Variants in RAPGEF5 observed in about 807,000 individuals in gnomAD.
RAPGEF5 encodes Rap guanine nucleotide exchange factor 5, also known as M-Ras-regulated GEF.
RAPGEF5 carries 65 observed loss-of-function variants against 125.2 expected under a neutral mutation model. The ratio of observed to expected loss-of-function variants is 0.52; its 90% CI spans 0.43 to 0.64. The LOEUF (loss-of-function observed/expected upper bound fraction) is 0.64, where lower values mean the gene tolerates loss of function less well. RAPGEF5 is among the 30% of genes least tolerant of loss of function. The pLI is 0.00. For missense variants in RAPGEF5, 958 were observed against 1,048.1 expected (o/e 0.91, Z 1.19); for synonymous variants, 391 against 385.9 (o/e 1.01, Z -0.16).
intron 11 of RAPGEF5, among the ~76,000 whole-genome samples, chr7:22,176,498 A>C (rs1481470422): frequency 6.6e-6 from 1 of 152,198 alleles, no homozygotes; most frequent in Non-Finnish European, 1.5e-5. Flanking sequence ...AGTAAACATA[A>C]GTAAGCACAA....
chr7:22,124,378 C>T (rs1008959142), intron 25 of RAPGEF5, among the ~76,000 whole-genome samples: 6 of 152,148 alleles, frequency 3.9e-5, no homozygotes, highest in African/African-American at 1.4e-4. Flanking sequence ...AACTGCATTG[C>T]GCTTGTATGC....
At chr7:22,199,487 T>C (rs1785226165) in intron 9 of RAPGEF5, among the ~76,000 whole-genome samples, 1 of 140,838 alleles carries the variant, frequency 7.1e-6, no homozygotes, top group Non-Finnish European at 1.5e-5. Flanking sequence ...ATTATAGACT[T>C]TAAAATGGCT....
chr7:22,258,038 T>G (rs1247709671), intron 7 of RAPGEF5, among the ~76,000 whole-genome samples: 1 of 152,202 alleles, frequency 6.6e-6, no homozygotes, highest in Non-Finnish European at 1.5e-5. Context: ...TTTGTCCATG[T>G]GGAAAATCCA....
Position 22,145,076 on chromosome 7 carries a change from C to A in RAPGEF5, c.2154G>T (p.Gln718His), listed in dbSNP as rs1783390151. Residue 718 changes from glutamine (Q) to histidine (H), a missense_variant, in exon 20 of 26, where the codon CAG (glutamine) becomes CAT (histidine). Coordinates refer to ENST00000665637, the MANE Select transcript of RAPGEF5 (RefSeq NM_012294.5). Reference protein sequence around the residue: ...LLCSQLGKRVQLVKKFIKIAA... With the variant: ...LLCSQLGKRVHLVKKFIKIAA... ...CAATTTTGATGAATTTTTTCACCAG[C>A]TGCACTCGCTTGCCCAGCTGGCTGC... 3.1e-6 allele frequency: 5 copies of A among 1,613,512 alleles called. No homozygotes were observed. The highest frequency in any genetic ancestry group is 3.4e-6 in the Non-Finnish European group (4 of 1,179,712).
rs111988320 is a variant in RAPGEF5, at chr7:22,333,918, G to A, written c.232-15881C>T. ...GGCACGGCATGGCTTGACATGGCTC[G>A]TGCTTGTGCCCCAAGAAACGGTTAA... On this transcript the variant is annotated intron_variant, in intron 1 of 25. Transcript: ENST00000665637. 7.7e-4 allele frequency among the ~76,000 whole-genome samples: 117 copies of A among 152,168 alleles called. 1 individual carries two copies. Among genetic ancestry groups the A allele is most frequent in the African/African-American group, 2.7e-3 (112 of 41,512 alleles).
Position 22,291,164 on chromosome 7 carries a change from C to A in RAPGEF5, c.747+11G>T. Reference sequence around the variant, plus strand: ...TCTGCACCCCTAGGCAGGAAAATTGCATGGTCTTACCGCAGATGTTAGACG... The same window carrying A: ...TCTGCACCCCTAGGCAGGAAAATTGAATGGTCTTACCGCAGATGTTAGACG... On this transcript the variant is annotated intron_variant, in intron 6 of 25. Transcript: ENST00000665637. 2 of 1,576,878 alleles carry A rather than the reference C, an allele frequency of 1.3e-6. No homozygotes were observed. The highest frequency in any genetic ancestry group is 1.9e-5 in the Admixed American group (1 of 53,466).
At chr7:22,221,531 TAATC>T (rs1785789001) in intron 8 of RAPGEF5, among the ~76,000 whole-genome samples, 1 of 152,174 alleles carries the variant, frequency 6.6e-6, no homozygotes, top group African/African-American at 2.4e-5. Context: ...GTAGTTCCCA[TAATC>T]CCCACATGTT....
chr7:22,166,051 TTATA>T (rs998673151), intron 12 of RAPGEF5, among the ~76,000 whole-genome samples: 3 of 147,020 alleles, frequency 2.0e-5, no homozygotes, highest in East Asian at 3.9e-4. Flanking sequence ...TATATGTATA[TTATA>T]TATATATTAT....
chr7:22,157,110 C>T (rs747642585), intron 15 of RAPGEF5, among the ~76,000 whole-genome samples: 6 of 152,150 alleles, frequency 3.9e-5, no homozygotes, highest in South Asian at 2.1e-4. Context: ...CAGCAGCAGG[C>T]CAAAAGCCCC....
chr7:22,306,186 T>C (rs909156896), intron 5 of RAPGEF5, among the ~76,000 whole-genome samples: 4 of 152,334 alleles, frequency 2.6e-5, no homozygotes, highest in South Asian at 4.1e-4. Context: ...AGGGTTCCCT[T>C]TTCTCTGCAT....
At chr7:22,129,781 G>A (rs893583616) in intron 24 of RAPGEF5, among the ~76,000 whole-genome samples, 4 of 152,216 alleles carry the variant, frequency 2.6e-5, no homozygotes, top group Non-Finnish European at 4.4e-5. Context: ...GGTCTTCGGT[G>A]TGGTTAAAAT....
intron 1 of RAPGEF5, among the ~76,000 whole-genome samples, chr7:22,345,693 C>T (rs1414340191): frequency 1.5e-5 from 2 of 136,626 alleles, no homozygotes; most frequent in Admixed American, 7.6e-5. Context: ...CATGTCTAGG[C>T]AGCTTTTTTT....
Position 22,323,683 on chromosome 7 carries a change from A to G in RAPGEF5, c.232-5646T>C, listed in dbSNP as rs538154244. ...CTCATCCAGTCATACCTGGACTCCA[A>G]GATGGACCCTCCCTACAGCAACCAA... On this transcript the variant is annotated intron_variant, in intron 1 of 25. Coordinates refer to ENST00000665637, the MANE Select transcript of RAPGEF5 (RefSeq NM_012294.5). Among the ~76,000 whole-genome samples, 14 of 152,344 alleles carry G rather than the reference A, an allele frequency of 9.2e-5. No individual in the cohort carries two copies. The South Asian group carries it at 2.3e-3, about 25-fold the overall frequency.
intron 5 of RAPGEF5, among the ~76,000 whole-genome samples, chr7:22,295,738 C>G (rs1321836402): frequency 2.0e-5 from 3 of 151,904 alleles, no homozygotes; most frequent in Non-Finnish European, 4.4e-5. Context: ...ATGCCAAGTT[C>G]CATCACAAAA....
At chr7:22,334,938 C>T (rs138884699) in intron 1 of RAPGEF5, among the ~76,000 whole-genome samples, 1 of 152,336 alleles carries the variant, frequency 6.6e-6, no homozygotes, top group Non-Finnish European at 1.5e-5. Flanking sequence ...AGCCAACCTG[C>T]ATCTCAACAT....
chr7:22,191,127 C>T (rs971752790), intron 11 of RAPGEF5, among the ~76,000 whole-genome samples: 2 of 152,108 alleles, frequency 1.3e-5, no homozygotes, highest in African/African-American at 4.8e-5. Context: ...CCTTTGTCAG[C>T]GACAAGGGGT....
intron 6 of RAPGEF5, among the ~76,000 whole-genome samples, chr7:22,286,732 C>T (rs1373224458): frequency 6.6e-6 from 1 of 152,168 alleles, no homozygotes; most frequent in African/African-American, 2.4e-5. Context: ...AAACACTTCC[C>T]CGTATTTACT....
intron 7 of RAPGEF5, among the ~76,000 whole-genome samples, chr7:22,251,099 G>A (rs762855294): frequency 6.6e-6 from 1 of 152,026 alleles, no homozygotes; most frequent in Non-Finnish European, 1.5e-5. Context: ...CATGATTTTA[G>A]CCATTAAAGT....
chr7:22,303,640 GT>G (rs1783264076), intron 5 of RAPGEF5, among the ~76,000 whole-genome samples: 1 of 152,186 alleles, frequency 6.6e-6, no homozygotes, highest in African/African-American at 2.4e-5. Context: ...CGTCAAAAAG[GT>G]TATTAAAAGG....
Sources: gnomAD v4.1 joint callset for allele counts (sites outside exome capture counted in the v4.1 genomes callset) on GRCh38, gnomAD v4.1.1 for gene constraint, MANE v1.5 for transcripts, NCBI Gene and HGNC (gene_info 2026-07-23, HGNC 2026-07-21) for gene names.